The following NRXN1 variants were observed in gnomAD, a reference collection of about 807,000 sequenced individuals.
NRXN1 encodes the protein neurexin 1, also known as neurexin-1.
Under a neutral mutation model 150.9 loss-of-function variants are expected in NRXN1, and 39 were observed. That is an observed-to-expected ratio of 0.26 (90% confidence interval 0.20 to 0.34). The LOEUF (loss-of-function observed/expected upper bound fraction) is 0.34. Among genes scored for constraint, NRXN1 ranks in the 10% least tolerant of loss-of-function variants. NRXN1 has a pLI of 1.00. For missense variants in NRXN1, 1,815 were observed against 1,949.9 expected, an observed-to-expected ratio of 0.93 and a Z score of 1.30; for synonymous variants, 924 against 757.0, an observed-to-expected ratio of 1.22 and a Z score of -3.62.
chr2:50,651,190 A>G (rs1416707072), intron 5 of NRXN1, among the ~76,000 whole-genome samples: 1 of 152,058 alleles, frequency 6.6e-6, no homozygotes, highest in Non-Finnish European at 1.5e-5. Flanking sequence ...TAATTCTTTA[A>G]AAATGAGTGA....
chr2:50,745,114 C>G lies in NRXN1; in HGVS notation c.833-121499G>C, dbSNP rs555039284. Among the ~76,000 whole-genome samples the G allele has an allele frequency of 6.2e-4, 94 of 152,176 alleles. 1 individual carries two copies. The highest frequency in any genetic ancestry group is 2.7e-3 in the Admixed American group (41 of 15,278). Reference sequence around the variant, plus strand: ...GGGTGAATCTTAGCTATATCACTTCCTAGCTAGGCAACCTTGGGCAAGCAT... The same window carrying G: ...GGGTGAATCTTAGCTATATCACTTCGTAGCTAGGCAACCTTGGGCAAGCAT... On this transcript the variant is annotated intron_variant, in intron 5 of 22. Transcript: ENST00000401669.
chr2:50,894,706 T>G (rs1475480279), intron 5 of NRXN1, among the ~76,000 whole-genome samples: 1 of 152,104 alleles, frequency 6.6e-6, no homozygotes. Context: ...ATGTAAATTA[T>G]CTCAAACTAA....
At chr2:50,506,744 A>G in intron 12 of NRXN1, 127 bp from the exon 13 acceptor site, 1 of 933,892 alleles carries the variant, frequency 1.1e-6, no homozygotes, top group Non-Finnish European at 1.6e-6. Flanking sequence ...GAAGAAAGGA[A>G]GAAAGAGAGA....
chr2:50,739,169 T>C (rs1334659501), intron 5 of NRXN1: 4 of 354,502 alleles, frequency 1.1e-5, no homozygotes, highest in South Asian at 9.0e-5. Flanking sequence ...TCAAAAATTC[T>C]TACAAATCCT....
rs574740155 is a variant in NRXN1 at position 50,496,184 on chromosome 2, C to T, written c.2880-89G>A. The T allele has an allele frequency of 4.1e-6, 4 of 980,832 alleles. No homozygotes were observed. The African/African-American group carries it at 4.9e-5, about 12-fold the overall frequency. The allele number at this position is 980,832 out of a possible 1,614,324, so 60.8% of individuals were successfully genotyped here. A position where few individuals can be genotyped will look rare whatever the true frequency, so the allele number is the denominator to read the frequency against. ...GATATTACAAATGGAGATTTTTTTT[C>T]AGGTGGTTCCATCCTTACTAGAAGT... On this transcript the variant is annotated intron_variant, in intron 14 of 22. Coordinates refer to ENST00000401669, the MANE Select transcript of NRXN1 (RefSeq NM_001330078.2).
chr2:49,970,246 A>G (rs1677715528), intron 21 of NRXN1: 1 of 152,098 alleles, frequency 6.6e-6, no homozygotes, highest in African/African-American at 2.4e-5. Context: ...CACAACACTG[A>G]AAAAAATTAT....
chr2:49,931,829 T>C (rs553539719), intron 22 of NRXN1, among the ~76,000 whole-genome samples: 1 of 152,310 alleles, frequency 6.6e-6, no homozygotes, highest in African/African-American at 2.4e-5. Context: ...TAGCTTCTCT[T>C]CCTGGGAGCT....
chr2:50,383,812 G>T (rs1404791279), intron 17 of NRXN1, among the ~76,000 whole-genome samples: 1 of 152,144 alleles, frequency 6.6e-6, no homozygotes, highest in East Asian at 1.9e-4. Context: ...AGTTTATGCT[G>T]CTATGATTCT....
chr2:50,578,716 A>T (rs2103616525), intron 8 of NRXN1, among the ~76,000 whole-genome samples: 1 of 152,196 alleles, frequency 6.6e-6, no homozygotes, highest in African/African-American at 2.4e-5. Context: ...TAATAAATTA[A>T]AAAAAATGCT....
intron 21 of NRXN1, among the ~76,000 whole-genome samples, chr2:50,041,584 C>G (rs555733620): frequency 6.6e-6 from 1 of 152,286 alleles, no homozygotes; most frequent in East Asian, 1.9e-4. Context: ...GGGCAAGCTA[C>G]TTGCAAAATT....
Position 50,531,118 on chromosome 2 carries a change from T to C in NRXN1, c.2347+109A>G, listed in dbSNP as rs1030459920. The C allele has an allele frequency of 1.3e-5, 10 of 790,164 alleles. No homozygotes were observed. The African/African-American group carries it at 1.6e-4, about 12-fold the overall frequency. The allele number at this position is 790,164 out of a possible 1,614,324, so 48.9% of individuals were successfully genotyped here. On this transcript the variant is annotated intron_variant, in intron 11 of 22. Coordinates refer to ENST00000401669, the MANE Select transcript of NRXN1 (RefSeq NM_001330078.2). The stretch of plus-strand genomic sequence containing the variant: ...ACTTTAAATGATGGAAATAAGACCA[T>C]TAAGTGTTTTAATTTTCCATGGCAA...
chr2:49,950,400 G>A (rs940407599), intron 21 of NRXN1, among the ~76,000 whole-genome samples: 1 of 151,850 alleles, frequency 6.6e-6, no homozygotes, highest in South Asian at 2.1e-4. Flanking sequence ...TCCAGTATGT[G>A]GAGGATGAAT....
At chr2:49,940,920 G>T (rs961041809) in intron 22 of NRXN1, among the ~76,000 whole-genome samples, 2 of 152,144 alleles carry the variant, frequency 1.3e-5, no homozygotes, top group African/African-American at 2.4e-5. Context: ...AGGAATTGAT[G>T]AATTGAAAAC....
chr2:50,974,729 T>G (rs1257647225), intron 2 of NRXN1, among the ~76,000 whole-genome samples: 1 of 152,052 alleles, frequency 6.6e-6, no homozygotes, highest in East Asian at 1.9e-4. Flanking sequence ...GAAATAAATC[T>G]AGCGTAATTG....
intron 18 of NRXN1, among the ~76,000 whole-genome samples, chr2:50,231,304 TA>T (rs1477825753): frequency 2.6e-5 from 4 of 152,076 alleles, no homozygotes; most frequent in African/African-American, 7.2e-5. Context: ...TTACTGACTT[TA>T]AAAAGGTATT....
At chr2:50,983,429 T>C (rs1697163003) in intron 2 of NRXN1, among the ~76,000 whole-genome samples, 1 of 152,154 alleles carries the variant, frequency 6.6e-6, no homozygotes, top group South Asian at 2.1e-4. Flanking sequence ...TTTCTTTAGG[T>C]ACTTGCTAAA....
At chr2:49,930,895 C>T (rs750870080) in intron 22 of NRXN1, among the ~76,000 whole-genome samples, 4 of 152,166 alleles carry the variant, frequency 2.6e-5, no homozygotes, top group Non-Finnish European at 4.4e-5. Flanking sequence ...CACCTGCAGT[C>T]GCAGCACTTT....
intron 5 of NRXN1, chr2:50,656,518 T>G (rs1013892842): frequency 1.6e-6 from 1 of 609,006 alleles, no homozygotes; most frequent in African/African-American, 1.9e-5. Context: ...AAAGGGGAAG[T>G]TAATTTATCC....
At chr2:50,472,897 A>G (rs192132924) in intron 15 of NRXN1, among the ~76,000 whole-genome samples, 179 of 151,780 alleles carry the variant, frequency 1.2e-3, no homozygotes, top group African/African-American at 4.2e-3. Flanking sequence ...ATAAAAACCT[A>G]TGCCAGAGGG....
Sources: gnomAD v4.1 joint callset for allele counts (sites outside exome capture counted in the v4.1 genomes callset) on GRCh38, gnomAD v4.1.1 for gene constraint, MANE v1.5 for transcripts, NCBI Gene and HGNC (gene_info 2026-07-23, HGNC 2026-07-21) for gene names.